Variants in DLC1 observed in about 807,000 individuals in gnomAD.
DLC1 encodes the protein DLC1 Rho GTPase activating protein.
A neutral mutation model predicts 140.3 loss-of-function variants in DLC1; 54 were observed. The observed-to-expected ratio is 0.38, with a 90% CI of 0.31 to 0.48. DLC1 has a LOEUF of 0.48. Among genes scored for constraint, DLC1 ranks in the 20% least tolerant of loss-of-function variants. DLC1 has a pLI of 0.96. For missense variants in DLC1, 2,536 were observed against 1,907.0 expected, an observed-to-expected ratio of 1.33 and a Z score of -6.14; for synonymous variants, 986 against 728.1, an observed-to-expected ratio of 1.35 and a Z score of -5.70.
At position 13,579,342 on chromosome 8, in the gene DLC1, TATATATATATATATATA is replaced by T. The variant is rs1368578197; in HGVS notation, c.-126+25178_-126+25194del. 6.8e-4 allele frequency among the ~76,000 whole-genome samples: 38 copies of T among 55,526 alleles called. 13 individuals carry two copies. Among genetic ancestry groups the T allele is most frequent in the East Asian group, 4.1e-3 (6 of 1,452 alleles). 36.4% of individuals were successfully genotyped at this position (55,526 alleles called of 152,430 possible). Reference sequence around the variant, plus strand: ...ATATATATATATATATATATATATATATATATATATATATATATATTTTTATATAATACATATTTATA... The same window carrying T: ...ATATATATATATATATATATATATATTATTTTTATATAATACATATTTATA... On this transcript the variant is annotated intron_variant, in intron 1 of 1. Transcript: ENST00000631382.
chr8:13,145,450 A>C (rs772446743), intron 5 of DLC1, among the ~76,000 whole-genome samples: 3 of 152,246 alleles, frequency 2.0e-5, no homozygotes, highest in Non-Finnish European at 4.4e-5. Flanking sequence ...GTGTTACTAC[A>C]ACTTCTTAAG....
chr8:13,510,172 T>G (rs1227890677), intron 1 of DLC1, among the ~76,000 whole-genome samples: 1 of 1,342 alleles, frequency 7.5e-4, no homozygotes, highest in Admixed American at 0.022. Context: ...TTCTTTATTC[T>G]TTTTTTTTTT....
intron 5 of DLC1, among the ~76,000 whole-genome samples, chr8:13,221,074 CTTTTG>C (rs1563176247): frequency 1.3e-5 from 2 of 152,188 alleles, no homozygotes; most frequent in Non-Finnish European, 2.9e-5. Context: ...AAGGGAATAT[CTTTTG>C]AGTCTTCAGT....
At position 13,593,765 on chromosome 8, in the gene DLC1, G is replaced by A. The variant is rs149191419; in HGVS notation, c.-126+10772C>T. On this transcript the variant is annotated intron_variant, in intron 1 of 1. Transcript: ENST00000631382. ...ATATGGTTATTAGTTATACTCAGAA[G>A]TGAAACAATGAAAATTAATCAGGAA... is the stretch of plus-strand genomic sequence containing the variant. Among the ~76,000 whole-genome samples the A allele has an allele frequency of 7.7e-3, 1,178 of 152,220 alleles. 13 individuals are homozygous for A. Among genetic ancestry groups the A allele is most frequent in the African/African-American group, 0.027 (1,111 of 41,532 alleles).
intron 1 of DLC1, among the ~76,000 whole-genome samples, chr8:13,559,703 A>G (rs1030792164): frequency 6.6e-6 from 1 of 152,214 alleles, no homozygotes; most frequent in Non-Finnish European, 1.5e-5. Flanking sequence ...GTGAATTCCA[A>G]TTCTGTCATC....
chr8:13,603,302 C>T (rs767745365), intron 1 of DLC1, among the ~76,000 whole-genome samples: 4 of 151,704 alleles, frequency 2.6e-5, no homozygotes, highest in Non-Finnish European at 5.9e-5. Flanking sequence ...CATCATCATT[C>T]ATTACGAGTC....
intron 1 of DLC1, among the ~76,000 whole-genome samples, chr8:13,604,348 G>A (rs189712296): frequency 6.6e-6 from 1 of 152,226 alleles, no homozygotes; most frequent in African/African-American, 2.4e-5. Context: ...GTGACACTGA[G>A]CATCTCAACT....
At chr8:13,401,869 A>G (rs1332955890) in intron 2 of DLC1, among the ~76,000 whole-genome samples, 3 of 152,122 alleles carry the variant, frequency 2.0e-5, no homozygotes, top group Non-Finnish European at 4.4e-5. Flanking sequence ...AAGAAGTATA[A>G]CACCTATGAG....
intron 1 of DLC1, among the ~76,000 whole-genome samples, chr8:13,579,348 T>C (rs1804974610): frequency 1.8e-5 from 1 of 54,060 alleles, no homozygotes; most frequent in African/African-American, 1.1e-4. Flanking sequence ...TATATATATA[T>C]ATATATATAT....
At chr8:13,470,459 A>G (rs1213940307) in intron 2 of DLC1, among the ~76,000 whole-genome samples, 3 of 152,210 alleles carry the variant, frequency 2.0e-5, no homozygotes, top group Non-Finnish European at 4.4e-5. Context: ...GACAAAGGAC[A>G]TGAATAGACA....
At chr8:13,195,935 T>C (rs1342782511) in intron 5 of DLC1, among the ~76,000 whole-genome samples, 2 of 152,180 alleles carry the variant, frequency 1.3e-5, no homozygotes, top group Admixed American at 1.3e-4. Context: ...TTGCCACTTA[T>C]AATTACCACC....
chr8:13,440,457 T>A (rs1798456645), intron 2 of DLC1, among the ~76,000 whole-genome samples: 1 of 152,202 alleles, frequency 6.6e-6, no homozygotes, highest in African/African-American at 2.4e-5. Flanking sequence ...TAGCTACATG[T>A]GTCAATGAAA....
At chr8:13,579,884 C>G (rs779194048) in intron 1 of DLC1, among the ~76,000 whole-genome samples, 49 of 151,778 alleles carry the variant, frequency 3.2e-4, no homozygotes, top group South Asian at 1.7e-3. Context: ...CAGTGATTTC[C>G]TAAGCACTCT....
intron 1 of DLC1, among the ~76,000 whole-genome samples, chr8:13,561,804 T>C (rs529577977): frequency 6.0e-4 from 91 of 152,294 alleles, no homozygotes; most frequent in African/African-American, 2.0e-3. Context: ...AAGATAAATA[T>C]CCAATTTTAA....
At chr8:13,381,642 C>G (rs980998430) in intron 4 of DLC1, among the ~76,000 whole-genome samples, 3 of 152,134 alleles carry the variant, frequency 2.0e-5, no homozygotes, top group Non-Finnish European at 2.9e-5. Context: ...TGGAGAGGAG[C>G]CAGTTTGTAA....
intron 5 of DLC1, chr8:13,276,753 C>A (rs982729078): frequency 4.1e-5 from 12 of 295,342 alleles, no homozygotes; most frequent in Non-Finnish European, 5.2e-5. Context: ...CAGGGGCAGT[C>A]CAGGTGACCT....
Position 13,567,025 on chromosome 8 carries a change from A to C in DLC1, c.-126+37512T>G, listed in dbSNP as rs183770365. On this transcript the variant is annotated intron_variant, in intron 1 of 1. Transcript: ENST00000631382. Reference sequence around the variant, plus strand: ...CTGCCCAGAATTGGCCCAAACGGACAAAAGTGCTCTTGCAAACCTTTCTGA... The same window carrying C: ...CTGCCCAGAATTGGCCCAAACGGACCAAAGTGCTCTTGCAAACCTTTCTGA... The C allele has an allele frequency of 3.9e-6, 6 of 1,551,160 alleles. No homozygotes were observed. In the East Asian group the frequency reaches 1.2e-4, roughly 32 times the overall value.
chr8:13,463,075 A>AAAAT (rs113873227), intron 2 of DLC1, among the ~76,000 whole-genome samples: 12 of 151,380 alleles, frequency 7.9e-5, no homozygotes, highest in Non-Finnish European at 2.9e-5. Flanking sequence ...ATAGTCTTAA[A>AAAAT]AAACAAACAA....
intron 4 of DLC1, among the ~76,000 whole-genome samples, chr8:13,387,520 T>A (rs904454004): frequency 6.6e-6 from 1 of 152,136 alleles, no homozygotes; most frequent in East Asian, 1.9e-4. Flanking sequence ...TACCTCTCAC[T>A]AATATATCAC....
Sources: allele counts gnomAD v4.1 joint callset (sites outside exome capture counted in the v4.1 genomes callset), GRCh38; gene constraint gnomAD v4.1.1; transcripts MANE v1.5; gene names NCBI Gene and HGNC (gene_info 2026-07-23, HGNC 2026-07-21).